Variants in FOXP1 observed in about 807,000 individuals in gnomAD.
FOXP1 encodes the protein forkhead box protein P1.
Under a neutral mutation model 98.2 loss-of-function variants are expected in FOXP1, and 15 were observed. That is an observed-to-expected ratio of 0.15 (90% CI 0.10 to 0.24). The LOEUF is 0.24. Ranked by LOEUF, FOXP1 falls within the 10% of genes least tolerant of loss-of-function variation. The probability of loss-of-function intolerance (pLI) is 1.00; values close to 1 mark genes in which losing one functional copy is unlikely to be tolerated. For synonymous variants in FOXP1, 371 were observed against 314.5 expected (o/e 1.18, Z -1.90); for missense variants, 633 against 848.5 (o/e 0.75, Z 3.15).
In FOXP1 at chr3:71,170,641, G is replaced by A. The variant is rs138358631; in HGVS notation, c.180+27561C>T. ...TTGACTATAGGATGTTTTATTGCTC[G>A]CGTATTCTTAGCTGAAAACCATTTT... On this transcript the variant is annotated intron_variant, in intron 6 of 20. Coordinates refer to ENST00000649528, the MANE Select transcript of FOXP1 (RefSeq NM_001349338.3). Among the ~76,000 whole-genome samples, 546 of 152,218 alleles carry A rather than the reference G, an allele frequency of 3.6e-3. 12 individuals are homozygous for A. The highest frequency in any genetic ancestry group is 0.032 in the Admixed American group (491 of 15,280).
chr3:71,577,283 G>A (rs1306218100), intron 2 of FOXP1, among the ~76,000 whole-genome samples: 2 of 152,142 alleles, frequency 1.3e-5, no homozygotes, highest in Non-Finnish European at 2.9e-5. Context: ...AGCCCTAACT[G>A]TAAGAACATT....
intron 2 of FOXP1, chr3:71,571,395 C>T (rs1161500969): frequency 6.6e-6 from 1 of 152,114 alleles, no homozygotes; most frequent in Non-Finnish European, 1.5e-5. Flanking sequence ...AAACATTGCC[C>T]CTTTGTTATC....
chr3:71,446,683 T>C (rs1167840633), intron 3 of FOXP1, among the ~76,000 whole-genome samples: 1 of 152,274 alleles, frequency 6.6e-6, no homozygotes, highest in Non-Finnish European at 1.5e-5. Context: ...GACAAAATTA[T>C]ATGCCTCGTA....
intron 2 of FOXP1, among the ~76,000 whole-genome samples, chr3:71,566,635 G>T (rs1410018091): frequency 6.6e-6 from 1 of 152,158 alleles, no homozygotes; most frequent in Non-Finnish European, 1.5e-5. Context: ...AGGGGATCAC[G>T]CATTTTTCCT....
intron 7 of FOXP1, among the ~76,000 whole-genome samples, chr3:71,100,160 T>G (rs2056831089): frequency 6.6e-6 from 1 of 152,150 alleles, no homozygotes; most frequent in African/African-American, 2.4e-5. Flanking sequence ...CAGACATACC[T>G]AATCAATCGT....
chr3:71,572,384 T>G (rs2047402305), intron 2 of FOXP1: 1 of 152,248 alleles, frequency 6.6e-6, no homozygotes, highest in Admixed American at 6.5e-5. Flanking sequence ...TACAGAGTGC[T>G]ACTGGGTTTT....
chr3:71,446,620 C>T (rs1274552393), intron 3 of FOXP1, among the ~76,000 whole-genome samples: 1 of 152,186 alleles, frequency 6.6e-6, no homozygotes, highest in African/African-American at 2.4e-5. Context: ...ACTGTAATGT[C>T]TCAGAGGTTC....
In FOXP1 at chr3:71,406,405, G is replaced by GTGTATATATATATATATATATATATATA. The variant is rs1347753258; in HGVS notation, c.-167-47162_-167-47161insTATATATATATATATATATATATATACA. Among the ~76,000 whole-genome samples the GTGTATATATATATATATATATATATATA allele has an allele frequency of 8.1e-4, 86 of 105,924 alleles. 1 individual carries two copies. Among genetic ancestry groups the GTGTATATATATATATATATATATATATA allele is most frequent in the Non-Finnish European group, 1.3e-3 (57 of 44,904 alleles). 69.5% of individuals were successfully genotyped at this position (105,924 alleles called of 152,430 possible). ...TAATTGACACATAATAACTGTATGT[G>GTGTATATATATATATATATATATATATA]TATATATATATATATATATGGTACA... On this transcript the variant is annotated intron_variant, in intron 3 of 20. Coordinates refer to ENST00000649528, the MANE Select transcript of FOXP1 (RefSeq NM_001349338.3).
intron 3 of FOXP1, among the ~76,000 whole-genome samples, chr3:71,416,046 T>C (rs2108299644): frequency 6.6e-6 from 1 of 152,314 alleles, no homozygotes; most frequent in South Asian, 2.1e-4. Flanking sequence ...ACAAATTACC[T>C]ACTTTGTGCC....
intron 3 of FOXP1, among the ~76,000 whole-genome samples, chr3:71,492,307 C>T (rs999799999): frequency 6.6e-6 from 1 of 152,018 alleles, no homozygotes; most frequent in Non-Finnish European, 1.5e-5. Context: ...CAAAAATTAG[C>T]CAGGCATGGT....
intron 6 of FOXP1, among the ~76,000 whole-genome samples, chr3:71,139,679 T>C (rs1016695643): frequency 1.3e-5 from 2 of 151,982 alleles, no homozygotes; most frequent in African/African-American, 4.8e-5. Context: ...TTTGGTTCTA[T>C]TACTTCCCAG....
chr3:71,148,544 AG>A (rs1026499302), intron 6 of FOXP1, among the ~76,000 whole-genome samples: 3 of 152,220 alleles, frequency 2.0e-5, no homozygotes, highest in Admixed American at 6.5e-5. Context: ...GAATAAGCAT[AG>A]GCCCCTGAAT....
intron 2 of FOXP1, among the ~76,000 whole-genome samples, chr3:71,521,879 G>T (rs994398288): frequency 6.6e-6 from 1 of 152,054 alleles, no homozygotes; most frequent in African/African-American, 2.4e-5. Context: ...ATGGAAAGGC[G>T]CATTGGACTT....
intron 6 of FOXP1, among the ~76,000 whole-genome samples, chr3:71,143,897 TAAGTA>T (rs2060185813): frequency 1.3e-5 from 2 of 152,194 alleles, no homozygotes; most frequent in African/African-American, 2.4e-5. Flanking sequence ...AAGATGGGGC[TAAGTA>T]AATATATAAA....
chr3:71,022,593 G>T (rs926280709), intron 11 of FOXP1, among the ~76,000 whole-genome samples: 1 of 152,168 alleles, frequency 6.6e-6, no homozygotes, highest in Non-Finnish European at 1.5e-5. Flanking sequence ...TAAATGGAGT[G>T]TAACTGTTCC....
intron 3 of FOXP1, among the ~76,000 whole-genome samples, chr3:71,444,249 A>G (rs2086208226): frequency 6.6e-6 from 1 of 152,168 alleles, no homozygotes; most frequent in Non-Finnish European, 1.5e-5. Flanking sequence ...AGCCAGGCCC[A>G]CTGGCTGCCT....
intron 2 of FOXP1, among the ~76,000 whole-genome samples, chr3:71,558,410 C>T (rs749045306): frequency 1.3e-5 from 2 of 152,122 alleles, no homozygotes; most frequent in African/African-American, 2.4e-5. Context: ...ATAAGCAATT[C>T]GGGCTAAGAT....
chr3:70,977,015 G>A lies in FOXP1; in HGVS notation c.1456C>T (p.Leu486=), dbSNP rs1472132883. The A allele has an allele frequency of 1.9e-6, 3 of 1,613,848 alleles. No homozygotes were observed. The highest frequency in any genetic ancestry group is 2.5e-6 in the Non-Finnish European group (3 of 1,179,852). The change falls in exon 17 of 21, where the codon CTA becomes TTA. Residue 486 remains leucine, a synonymous_variant. Transcript: ENST00000649528. ...QAILESPEKQ[L]TLNEIYNWFT... ...CAGTTATAGATCTCATTTAGTGTTAGCTGCTTTTCTGGAGATTCGAGAATG... is the reference window on the plus strand; with the variant it reads ...CAGTTATAGATCTCATTTAGTGTTAACTGCTTTTCTGGAGATTCGAGAATG...
At chr3:71,435,260 G>A (rs1271584275) in intron 3 of FOXP1, among the ~76,000 whole-genome samples, 147 of 5,012 alleles carry the variant, frequency 0.029, 65 homozygotes, top group Non-Finnish European at 0.084. Flanking sequence ...GAGAGGGAGG[G>A]AGGGAGGGAG....
Sources: gnomAD v4.1 joint callset for allele counts (sites outside exome capture counted in the v4.1 genomes callset) on GRCh38, gnomAD v4.1.1 for gene constraint, MANE v1.5 for transcripts, NCBI Gene and HGNC (gene_info 2026-07-23, HGNC 2026-07-21) for gene names.